The following CTBP2 variants were observed in gnomAD, a reference collection of about 807,000 sequenced individuals.
CTBP2 encodes C-terminal binding protein 2, also known as C-terminal-binding protein 2.
Under a neutral mutation model 80.3 loss-of-function variants are expected in CTBP2, and 30 were observed. That is an observed-to-expected ratio of 0.37 (90% CI 0.28 to 0.51). The LOEUF is 0.51. CTBP2 is among the 20% of genes least tolerant of loss of function. The probability of loss-of-function intolerance (pLI) is 0.93; values close to 1 mark genes in which losing one functional copy is unlikely to be tolerated. For synonymous variants in CTBP2, 594 were observed against 587.4 expected (o/e 1.01, Z -0.16); for missense variants, 1,212 against 1,375.3 (o/e 0.88, Z 1.88).
At chr10:124,992,315 A>G (rs1001666365) in intron 8 of CTBP2, among the ~76,000 whole-genome samples, 5 of 148,028 alleles carry the variant, frequency 3.4e-5, no homozygotes, top group African/African-American at 5.0e-5. Flanking sequence ...GCTCACTGCA[A>G]TCTCCACCTC....
rs573492350 is a variant in CTBP2 at position 125,076,005 on chromosome 10, C to CA, written c.-102+34984dup. ...CATGGCAGCAGCATCCCTAACAGCT[C>CA]AAAGCTACAAATCCCAAATGACCAC... On this transcript the variant is annotated intron_variant, in intron 2 of 10. Coordinates refer to the CTBP2 transcript ENST00000337195. Among the ~76,000 whole-genome samples the CA allele has an allele frequency of 2.4e-3, 365 of 152,312 alleles. 1 individual carries two copies. The highest frequency in any genetic ancestry group is 3.7e-3 in the Admixed American group (57 of 15,302).
At chr10:124,994,446 C>T (rs1565014313) in intron 5 of CTBP2, 23 bp downstream of exon 7, 1 of 1,610,782 alleles carries the variant, frequency 6.2e-7, no homozygotes, top group Non-Finnish European at 8.5e-7. Flanking sequence ...CAGAAGCTTC[C>T]ATGGCATCTA....
intron 1 of CTBP2, among the ~76,000 whole-genome samples, chr10:125,147,846 G>T (rs1040515598): frequency 6.6e-6 from 1 of 151,992 alleles, no homozygotes; most frequent in Non-Finnish European, 1.5e-5. Context: ...GCAGTCAGCC[G>T]TGATTGCGCC....
chr10:125,064,088 T>C (rs576274233), intron 2 of CTBP2, among the ~76,000 whole-genome samples: 152 of 152,364 alleles, frequency 1.0e-3, no homozygotes, highest in African/African-American at 3.4e-3. Context: ...AGGTTTTGTA[T>C]TTTTGGCCAG....
intron 4 of CTBP2, chr10:124,996,500 A>G (rs1311514639): frequency 6.5e-6 from 1 of 152,954 alleles, no homozygotes. Flanking sequence ...GGCAGGGGTT[A>G]GTGTACAGTC....
At chr10:125,047,214 C>T (rs1368735337) in intron 2 of CTBP2, among the ~76,000 whole-genome samples, 1 of 152,202 alleles carries the variant, frequency 6.6e-6, no homozygotes, top group Non-Finnish European at 1.5e-5. Flanking sequence ...AATGACACCT[C>T]TTATTCCTGT....
At chr10:125,074,508 T>A (rs1045392396) in intron 2 of CTBP2, among the ~76,000 whole-genome samples, 1 of 152,150 alleles carries the variant, frequency 6.6e-6, no homozygotes, top group African/African-American at 2.4e-5. Flanking sequence ...GCGCCCGCCA[T>A]CACACCCAGC....
In CTBP2 at chr10:124,984,457, GTCATGTGT is replaced by G; in HGVS notation, c.*5053_*5060del. 3.7e-6 allele frequency: 1 copy of G among 273,434 alleles called. No homozygotes were observed. Among genetic ancestry groups the G allele is most frequent in the East Asian group, 7.1e-5 (1 of 14,108 alleles). 16.9% of individuals were successfully genotyped at this position (273,434 alleles called of 1,614,324 possible). A position where few individuals can be genotyped will look rare whatever the true frequency, so the allele number is the denominator to read the frequency against. On this transcript the variant is annotated 3_prime_UTR_variant, in exon 9 of 9. Coordinates refer to ENST00000309035, the MANE Select transcript of CTBP2 (RefSeq NM_022802.3). ...ATAATTGACTAAGTAAACTTACCTT[GTCATGTGT>G]TTGAAGCTGTGGCTTGCCAGGATCA...
rs138073353 is a variant in CTBP2, at chr10:125,124,331, C to T, written c.-205-13238G>A. Among the ~76,000 whole-genome samples the T allele has an allele frequency of 4.4e-3, 665 of 152,292 alleles. 3 individuals carry two copies. The highest frequency in any genetic ancestry group is 0.012 in the African/African-American group (519 of 41,552). On this transcript the variant is annotated intron_variant, in intron 1 of 10. Coordinates refer to the CTBP2 transcript ENST00000337195. ...CTGGCATACTCGACGCTAGCACTCC[C>T]GGTAACTCCCCGCTGGTTCAAAGAA...
At chr10:125,024,380 C>T (rs930157850) in intron 1 of CTBP2, among the ~76,000 whole-genome samples, 5 of 152,310 alleles carry the variant, frequency 3.3e-5, no homozygotes, top group Non-Finnish European at 7.3e-5. Context: ...CTCGCTGCCA[C>T]GCAAATTAAG....
chr10:125,026,048 T>C, intron 1 of CTBP2: 1 of 1,535,130 alleles, frequency 6.5e-7, no homozygotes, highest in Non-Finnish European at 8.8e-7. Context: ...TCCCCCCAGG[T>C]CCCCAGGCAG....
At chr10:125,000,198 G>A (rs1175001715) in intron 3 of CTBP2, 1 of 152,332 alleles carries the variant, frequency 6.6e-6, no homozygotes, top group Admixed American at 6.5e-5. Context: ...CACTGCCTGG[G>A]ATGGCAGAAC....
At chr10:125,023,803 C>T (rs1206408405) in intron 1 of CTBP2, among the ~76,000 whole-genome samples, 2 of 152,050 alleles carry the variant, frequency 1.3e-5, no homozygotes, top group South Asian at 2.1e-4. Flanking sequence ...CCAAAGCATC[C>T]GAAAATAAAA....
chr10:125,035,039 C>T (rs1958706079), intron 3 of CTBP2, among the ~76,000 whole-genome samples: 2 of 152,172 alleles, frequency 1.3e-5, no homozygotes, highest in African/African-American at 4.8e-5. Context: ...CATGTGCTTC[C>T]ACCATGGCAA....
intron 1 of CTBP2, among the ~76,000 whole-genome samples, chr10:125,111,913 A>G (rs993702623): frequency 6.6e-6 from 1 of 151,974 alleles, no homozygotes; most frequent in Non-Finnish European, 1.5e-5. Flanking sequence ...GGAATTTAAC[A>G]CTGGAGTTGC....
At chr10:125,067,401 T>G (rs1844812656) in intron 2 of CTBP2, among the ~76,000 whole-genome samples, 1 of 152,224 alleles carries the variant, frequency 6.6e-6, no homozygotes, top group Non-Finnish European at 1.5e-5. Context: ...TTAATATTAA[T>G]GTATTGATAA....
chr10:125,139,584 C>T (rs73379146), intron 1 of CTBP2, among the ~76,000 whole-genome samples: 5,319 of 152,112 alleles, frequency 0.035, 295 homozygotes, highest in African/African-American at 0.12. Flanking sequence ...CTGGGAGCTT[C>T]CAGTCTAGGC....
rs1387944656 is a variant in CTBP2, at chr10:125,026,554, C to T, written c.1206G>A (p.Pro402=). 1.2e-5 allele frequency: 18 copies of T among 1,560,636 alleles called. No individual in the cohort carries two copies. The highest frequency in any genetic ancestry group is 1.9e-4 in the Middle Eastern group (1 of 5,400). The change falls in exon 1 of 9, where the codon CCG becomes CCA. Residue 402 remains proline (P), a synonymous_variant. Transcript: ENST00000309035. ...ATGGTGCGCTGGAGGGACGGCGAGCCGGGTCTCCAGCTCGGGGGGATGCTG... is the reference window on the plus strand; with the variant it reads ...ATGGTGCGCTGGAGGGACGGCGAGCTGGGTCTCCAGCTCGGGGGGATGCTG...
At position 125,013,817 on chromosome 10, in the gene CTBP2, T is replaced by C. The variant is rs59912751; in HGVS notation, c.1679-10325A>G. On this transcript the variant is annotated intron_variant, in intron 1 of 8. Transcript: ENST00000309035. ...ACCGCAGTGCAAACCACCTGCTGGA[T>C]TGGTTCAACTCAACAAGCTCTGGAC... Among the ~76,000 whole-genome samples the C allele has an allele frequency of 6.0e-3, 910 of 152,236 alleles. 11 individuals are homozygous for C. Among genetic ancestry groups the C allele is most frequent in the African/African-American group, 0.02 (839 of 41,544 alleles).
Sources: gnomAD v4.1 joint callset for allele counts (sites outside exome capture counted in the v4.1 genomes callset) on GRCh38, gnomAD v4.1.1 for gene constraint, MANE v1.5 for transcripts, NCBI Gene and HGNC (gene_info 2026-07-23, HGNC 2026-07-21) for gene names.